The following FOXRED1 variants were observed in gnomAD, a reference collection of about 807,000 sequenced individuals.
FOXRED1 encodes the protein FAD dependent oxidoreductase domain containing 1, also known as FAD-dependent oxidoreductase domain-containing protein 1.
In FOXRED1, 52 loss-of-function variants were observed where a neutral mutation model predicts 57.8. The observed-to-expected ratio is 0.90, with a 90% CI of 0.72 to 1.13. FOXRED1 has a LOEUF of 1.13. Among genes scored for constraint, FOXRED1 ranks in the 50% most tolerant of loss-of-function variants. FOXRED1 has a pLI of 0.00. For synonymous variants in FOXRED1, 271 were observed against 248.3 expected (o/e 1.09, Z -0.86); for missense variants, 589 against 625.2 (o/e 0.94, Z 0.62).
Position 126,269,186 on chromosome 11 carries a change from G to A in FOXRED1, c.-21G>A, listed in dbSNP as rs1369764910. On this transcript the variant is annotated 5_prime_UTR_variant, in exon 1 of 11. Coordinates refer to ENST00000263578, the MANE Select transcript of FOXRED1 (RefSeq NM_017547.4). ...GCGAGGCAGCAGTGCAGCTTTCAGA[G>A]GGTCCGGGCTCAGAGGGGTTATGAT... 3 of 1,586,240 alleles carry A rather than the reference G, an allele frequency of 1.9e-6. No homozygotes were observed. Among genetic ancestry groups the A allele is most frequent in the African/African-American group, 1.3e-5 (1 of 74,682 alleles).
In FOXRED1 at chr11:126,273,402, C is replaced by G. The variant is rs746806442; in HGVS notation, c.484C>G (p.Leu162Val). Reference protein sequence around the residue: ...LRFNPSGYLLLASEKDAAAME... With the variant: ...LRFNPSGYLLVASEKDAAAME... The stretch of plus-strand genomic sequence containing the variant: ...GTTCAACCCCTCGGGCTACCTCTTG[C>G]TGGCTTCAGAAAAGGATGCTGCAGC... Residue 162 changes from leucine (L) to valine (V), a missense_variant, in exon 4 of 11, where the codon CTG (leucine) becomes GTG (valine). Physicochemically the swap from Leu to Val is conservative, Grantham distance 32. Transcript: ENST00000263578. This position sits in a 1 kb window ranked among gnomAD's most constrained non-coding sequence, Gnocchi z 5.9. The G allele has an allele frequency of 6.2e-7, 1 of 1,614,000 alleles. No homozygotes were observed.
chr11:126,271,055 T>C lies in FOXRED1; in HGVS notation c.86-382T>C, dbSNP rs891748239. 6.2e-6 allele frequency: 2 copies of C among 324,542 alleles called. No homozygotes were observed. Among genetic ancestry groups the C allele is most frequent in the Non-Finnish European group, 1.2e-5 (2 of 166,688 alleles). 20.1% of individuals were successfully genotyped at this position (324,542 alleles called of 1,614,324 possible). A position where few individuals can be genotyped will look rare whatever the true frequency, so the allele number is the denominator to read the frequency against. On this transcript the variant is annotated intron_variant, in intron 1 of 10. Transcript: ENST00000263578. This position sits in a 1 kb window ranked among gnomAD's most constrained non-coding sequence, Gnocchi z 5.3. The stretch of plus-strand genomic sequence containing the variant: ...AGCATGGCACCGCTTAGCGGTGACA[T>C]GCTTCAGAGGGTGCCGTGACTTGGG...
At chr11:126,270,380 T>C (rs891438542) in intron 1 of FOXRED1, among the ~76,000 whole-genome samples, 12 of 152,250 alleles carry the variant, frequency 7.9e-5, no homozygotes, top group African/African-American at 2.9e-4. Flanking sequence ...GGTGTTGCGA[T>C]AGGCTGGAGA....
In FOXRED1 at chr11:126,277,216, T is replaced by C. The variant is rs767900378; in HGVS notation, c.1206+41T>C. ...TGGTTTTCCTTTTTATTTTTGGACATTGGATGGGACAGATGACAGTGGAGC... is the reference window on the plus strand; with the variant it reads ...TGGTTTTCCTTTTTATTTTTGGACACTGGATGGGACAGATGACAGTGGAGC... On this transcript the variant is annotated intron_variant, in intron 10 of 10. Transcript: ENST00000263578. This position sits in a 1 kb window ranked among gnomAD's most constrained non-coding sequence, Gnocchi z 6.8. 4.1e-5 allele frequency: 57 copies of C among 1,383,114 alleles called. No individual in the cohort carries two copies. Among genetic ancestry groups the C allele is most frequent in the Non-Finnish European group, 5.6e-5 (54 of 970,302 alleles). 85.7% of individuals were successfully genotyped at this position (1,383,114 alleles called of 1,614,324 possible). A position where few individuals can be genotyped will look rare whatever the true frequency, so the allele number is the denominator to read the frequency against.
chr11:126,275,581 C>T lies in FOXRED1; in HGVS notation c.733+153C>T, dbSNP rs1217987845. ...TTGACCTGGGCTCCTCACTGATCTG[C>T]GTTGTGACTTGTGATCTGCTTGATG... On this transcript the variant is annotated intron_variant, in intron 6 of 10. Coordinates refer to ENST00000263578, the MANE Select transcript of FOXRED1 (RefSeq NM_017547.4). This position sits in a 1 kb window ranked among gnomAD's most constrained non-coding sequence, Gnocchi z 5.9. 16 of 734,046 alleles carry T rather than the reference C, an allele frequency of 2.2e-5. No homozygotes were observed. In the Admixed American group the frequency reaches 2.4e-4, roughly 11 times the overall value. The allele number at this position is 734,046 out of a possible 1,614,324, so 45.5% of individuals were successfully genotyped here.
In FOXRED1 at chr11:126,271,342, T is replaced by G; in HGVS notation, c.86-95T>G. ...ACAGTGGGGACTGCCAACTCATGTG[T>G]CTGTTTAGCTCACCTTTTCCTGTGC... On this transcript the variant is annotated intron_variant, in intron 1 of 10. Transcript: ENST00000263578. This position sits in a 1 kb window ranked among gnomAD's most constrained non-coding sequence, Gnocchi z 5.3. The G allele has an allele frequency of 1.1e-6, 1 of 887,314 alleles. No homozygotes were observed. Among genetic ancestry groups the G allele is most frequent in the South Asian group, 1.3e-5 (1 of 74,794 alleles). The allele number at this position is 887,314 out of a possible 1,614,324, so 55.0% of individuals were successfully genotyped here. A position where few individuals can be genotyped will look rare whatever the true frequency, so the allele number is the denominator to read the frequency against.
chr11:126,275,199 T>C lies in FOXRED1; in HGVS notation c.632-128T>C, dbSNP rs551010904. 2.8e-5 allele frequency: 23 copies of C among 833,674 alleles called. No homozygotes were observed. The South Asian group carries it at 3.2e-4, about 12-fold the overall frequency. 51.6% of individuals were successfully genotyped at this position (833,674 alleles called of 1,614,324 possible). A position where few individuals can be genotyped will look rare whatever the true frequency, so the allele number is the denominator to read the frequency against. ...TGTCCTTCATCAGGCTTTGTCTCTG[T>C]GGTTCAGTTGGTTAAGATGACCTTC... On this transcript the variant is annotated intron_variant, in intron 5 of 10. Coordinates refer to ENST00000263578, the MANE Select transcript of FOXRED1 (RefSeq NM_017547.4). The surrounding 1 kb of genome is among the most constrained non-coding windows in gnomAD (Gnocchi z 5.9).
chr11:126,271,785 T>C lies in FOXRED1; in HGVS notation c.306+128T>C, dbSNP rs1245972007. 2 of 798,466 alleles carry C rather than the reference T, an allele frequency of 2.5e-6. No homozygotes were observed. The highest frequency in any genetic ancestry group is 4.2e-6 in the Non-Finnish European group (2 of 472,458). The allele number at this position is 798,466 out of a possible 1,614,324, so 49.5% of individuals were successfully genotyped here. ...TCTCGGAGGGTCCAACGGACAGAGA[T>C]TGTGCTTTGGACTTTGTTGAGAAAT... is the stretch of plus-strand genomic sequence containing the variant. On this transcript the variant is annotated intron_variant, in intron 2 of 10. Coordinates refer to ENST00000263578, the MANE Select transcript of FOXRED1 (RefSeq NM_017547.4). This position sits in a 1 kb window ranked among gnomAD's most constrained non-coding sequence, Gnocchi z 5.3.
intron 7 of FOXRED1, 45 bp from the exon 8 acceptor site, chr11:126,276,014 T>A: frequency 1.2e-6 from 2 of 1,611,252 alleles, no homozygotes; most frequent in African/African-American, 2.7e-5. Flanking sequence ...GGGTGCCTGG[T>A]GTGTGGTCCG....
Position 126,275,567 on chromosome 11 carries a change from T to C in FOXRED1, c.733+139T>C. 2 of 744,244 alleles carry C rather than the reference T, an allele frequency of 2.7e-6. No homozygotes were observed. Among genetic ancestry groups the C allele is most frequent in the Admixed American group, 2.0e-5 (1 of 49,960 alleles). The allele number at this position is 744,244 out of a possible 1,614,324, so 46.1% of individuals were successfully genotyped here. On this transcript the variant is annotated intron_variant, in intron 6 of 10. Transcript: ENST00000263578. The surrounding 1 kb of genome is among the most constrained non-coding windows in gnomAD (Gnocchi z 5.9). The stretch of plus-strand genomic sequence containing the variant: ...AGGTCCTAGGCATCTTGACCTGGGC[T>C]CCTCACTGATCTGCGTTGTGACTTG...
At position 126,269,249 on chromosome 11, in the gene FOXRED1, TTGACCC is replaced by T. The variant is rs1565349922; in HGVS notation, c.44_49del (p.Leu15_Arg17delinsTrp). On this transcript the variant is annotated inframe_deletion, in exon 1 of 11. Transcript: ENST00000263578. The stretch of plus-strand genomic sequence containing the variant: ...GCCGCACGGCATGGGCCGGGGCCTC[TTGACCC>T]GGAGGCCAGGCACGCGCAGAGGAGG... 3 of 1,614,178 alleles carry T rather than the reference TTGACCC, an allele frequency of 1.9e-6. No homozygotes were observed. In the South Asian group the frequency reaches 3.3e-5, roughly 18 times the overall value.
Position 126,269,851 on chromosome 11 carries a change from G to T in FOXRED1, c.85+560G>T, listed in dbSNP as rs529665521. Among the ~76,000 whole-genome samples, 3 of 152,096 alleles carry T rather than the reference G, an allele frequency of 2.0e-5. No homozygotes were observed. The South Asian group carries it at 6.2e-4, about 32-fold the overall frequency. ...AAAATACAAAAATTAGCTAGGTGTGGTGGTGGGCTCCTGTAATCCCAGGTA... is the reference window on the plus strand; with the variant it reads ...AAAATACAAAAATTAGCTAGGTGTGTTGGTGGGCTCCTGTAATCCCAGGTA... On this transcript the variant is annotated intron_variant, in intron 1 of 10. Transcript: ENST00000263578.
chr11:126,274,776 C>T lies in FOXRED1; in HGVS notation c.537-151C>T, dbSNP rs182689745. 9 of 703,464 alleles carry T rather than the reference C, an allele frequency of 1.3e-5. No homozygotes were observed. The highest frequency in any genetic ancestry group is 3.4e-4 in the Middle Eastern group (1 of 2,938). 43.6% of individuals were successfully genotyped at this position (703,464 alleles called of 1,614,324 possible). A position where few individuals can be genotyped will look rare whatever the true frequency, so the allele number is the denominator to read the frequency against. On this transcript the variant is annotated intron_variant, in intron 4 of 10. Transcript: ENST00000263578. This position sits in a 1 kb window ranked among gnomAD's most constrained non-coding sequence, Gnocchi z 4.8. ...CTGACTAGGAGGCTTGGTCTTCAGC[C>T]GCTCAGCAATGAGGAAAAATAGGGG...
At position 126,271,221 on chromosome 11, in the gene FOXRED1, G is replaced by C; in HGVS notation, c.86-216G>C. ...ATTTTAGGAAATTGAATCTTGCAGT[G>C]CTTGGCACAATGCATGAAGAGACTG... On this transcript the variant is annotated intron_variant, in intron 1 of 10. Transcript: ENST00000263578. The surrounding 1 kb of genome is among the most constrained non-coding windows in gnomAD (Gnocchi z 5.3). 4 of 521,704 alleles carry C rather than the reference G, an allele frequency of 7.7e-6. No homozygotes were observed. The highest frequency in any genetic ancestry group is 5.9e-5 in the South Asian group (3 of 50,502). The allele number at this position is 521,704 out of a possible 1,614,324, so 32.3% of individuals were successfully genotyped here.
rs1435533857 is a variant in FOXRED1 at position 126,274,848 on chromosome 11, T to C, written c.537-79T>C. On this transcript the variant is annotated intron_variant, in intron 4 of 10. Coordinates refer to ENST00000263578, the MANE Select transcript of FOXRED1 (RefSeq NM_017547.4). The surrounding 1 kb of genome is among the most constrained non-coding windows in gnomAD (Gnocchi z 4.8). ...ATGACTGAGCTGGACTCCCCACTTGTGGAGTTGGGGTCCATACATCATCCC... is the reference window on the plus strand; with the variant it reads ...ATGACTGAGCTGGACTCCCCACTTGCGGAGTTGGGGTCCATACATCATCCC... 6 of 851,022 alleles carry C rather than the reference T, an allele frequency of 7.1e-6. No individual in the cohort carries two copies. Among genetic ancestry groups the C allele is most frequent in the Admixed American group, 1.7e-5 (1 of 58,922 alleles). 52.7% of individuals were successfully genotyped at this position (851,022 alleles called of 1,614,324 possible).
At position 126,272,669 on chromosome 11, in the gene FOXRED1, T is replaced by C; in HGVS notation, c.307-300T>C. On this transcript the variant is annotated intron_variant, in intron 2 of 10. Transcript: ENST00000263578. This position sits in a 1 kb window ranked among gnomAD's most constrained non-coding sequence, Gnocchi z 4.6. Reference sequence around the variant, plus strand: ...GCTACTTTACTTCAATCATAACCTTTCATTTCCCAAATGGTAGGTCAAACG... The same window carrying C: ...GCTACTTTACTTCAATCATAACCTTCCATTTCCCAAATGGTAGGTCAAACG... 1 of 483,440 alleles carries C rather than the reference T, an allele frequency of 2.1e-6. No homozygotes were observed. The highest frequency in any genetic ancestry group is 3.3e-5 in the Admixed American group (1 of 30,100). 29.9% of individuals were successfully genotyped at this position (483,440 alleles called of 1,614,324 possible). A position where few individuals can be genotyped will look rare whatever the true frequency, so the allele number is the denominator to read the frequency against.
rs1281703768 is a variant in FOXRED1, at chr11:126,277,330, C to T, written c.1207-105C>T. 7 of 1,399,784 alleles carry T rather than the reference C, an allele frequency of 5.0e-6. No homozygotes were observed. The Admixed American group carries it at 6.7e-5, about 13-fold the overall frequency. The allele number at this position is 1,399,784 out of a possible 1,614,324, so 86.7% of individuals were successfully genotyped here. Reference sequence around the variant, plus strand: ...CTTGGACACATCCCATCCCATAGACCCCTCAGCAGCAGGTAGAGGGTACTC... The same window carrying T: ...CTTGGACACATCCCATCCCATAGACTCCTCAGCAGCAGGTAGAGGGTACTC... On this transcript the variant is annotated intron_variant, in intron 10 of 10. Transcript: ENST00000263578. The surrounding 1 kb of genome is among the most constrained non-coding windows in gnomAD (Gnocchi z 6.8).
Position 126,277,426 on chromosome 11 carries a change from C to A in FOXRED1, c.1207-9C>A. ...TTCCCGAGAACCCCAGTGTTTTGTG[C>A]ACCCGCAGGTTCAGAGCGCCTGGGC... On this transcript the variant is annotated splice_polypyrimidine_tract_variant and intron_variant, in intron 10 of 10. Transcript: ENST00000263578. This position sits in a 1 kb window ranked among gnomAD's most constrained non-coding sequence, Gnocchi z 6.8. 1 of 1,612,826 alleles carries A rather than the reference C, an allele frequency of 6.2e-7. No homozygotes were observed. Among genetic ancestry groups the A allele is most frequent in the East Asian group, 2.2e-5 (1 of 44,864 alleles).
Position 126,275,073 on chromosome 11 carries a change from G to A in FOXRED1, c.631+52G>A. 8.2e-7 allele frequency: 1 copy of A among 1,225,198 alleles called. No individual in the cohort carries two copies. The highest frequency in any genetic ancestry group is 1.2e-6 in the Non-Finnish European group (1 of 825,816). The allele number at this position is 1,225,198 out of a possible 1,614,324, so 75.9% of individuals were successfully genotyped here. ...CTTTTTTCCTGAAGATGGAGACTAA[G>A]GGGTGCTACACGTTGGGAGTCTCGG... On this transcript the variant is annotated intron_variant, in intron 5 of 10. Coordinates refer to ENST00000263578, the MANE Select transcript of FOXRED1 (RefSeq NM_017547.4). This position sits in a 1 kb window ranked among gnomAD's most constrained non-coding sequence, Gnocchi z 5.9.
Sources: gnomAD v4.1 joint callset for allele counts (sites outside exome capture counted in the v4.1 genomes callset) on GRCh38, gnomAD v4.1.1 for gene constraint, Gnocchi (gnomAD v3.1) non-coding constraint, MANE v1.5 for transcripts, NCBI Gene and HGNC (gene_info 2026-07-23, HGNC 2026-07-21) for gene names.